Variants in GABPA observed in about 807,000 individuals in gnomAD.
GABPA encodes GA-binding protein alpha chain.
A neutral mutation model predicts 59.4 loss-of-function variants in GABPA; 4 were observed. The ratio of observed to expected loss-of-function variants is 0.07; its 90% CI spans 0.03 to 0.15. The LOEUF (loss-of-function observed/expected upper bound fraction) is 0.15. GABPA is among the 10% of genes least tolerant of loss of function. GABPA has a pLI of 1.00. For missense variants in GABPA, 251 were observed against 543.8 expected (o/e 0.46, Z 5.36); for synonymous variants, 164 against 183.1 (o/e 0.90, Z 0.84).
intron 6 of GABPA, among the ~76,000 whole-genome samples, chr21:25,759,395 T>C (rs1008870448): frequency 6.6e-6 from 1 of 152,156 alleles, no homozygotes; most frequent in African/African-American, 2.4e-5. Flanking sequence ...AATTCAATGC[T>C]TGCAGTTTTC....
chr21:25,741,846 A>G (rs187093147), intron 2 of GABPA, among the ~76,000 whole-genome samples, 171 bp downstream of exon 2: 4 of 152,210 alleles, frequency 2.6e-5, no homozygotes, highest in African/African-American at 9.6e-5. Flanking sequence ...GCTGAGAGGG[A>G]AAGACAGTTT....
At chr21:25,751,091 G>A (rs2123525040) in intron 4 of GABPA, among the ~76,000 whole-genome samples, 1 of 152,224 alleles carries the variant, frequency 6.6e-6, no homozygotes, top group Admixed American at 6.5e-5. Flanking sequence ...TAATATGACA[G>A]TGTCTTAGAG....
At chr21:25,754,784 G>C (rs572011991) in intron 5 of GABPA, among the ~76,000 whole-genome samples, 29 of 152,266 alleles carry the variant, frequency 1.9e-4, no homozygotes, top group African/African-American at 6.7e-4. Context: ...AGGCACAGTG[G>C]CTCATGCCTG....
intron 3 of GABPA, among the ~76,000 whole-genome samples, chr21:25,746,206 G>T (rs571310400): frequency 6.6e-6 from 1 of 151,940 alleles, no homozygotes; most frequent in Non-Finnish European, 1.5e-5. Context: ...GTAGACACGG[G>T]GTTTTGCTGT....
In GABPA at chr21:25,751,287, T is replaced by C. The variant is rs1029646042; in HGVS notation, c.308-702T>C. On this transcript the variant is annotated intron_variant, in intron 4 of 9. Coordinates refer to ENST00000400075, the MANE Select transcript of GABPA (RefSeq NM_002040.4). ...ATAATTTAATAGTTTAAATGTGTTT[T>C]AAACTATCCAGAATTAAATCAAAAT... 2.0e-5 allele frequency among the ~76,000 whole-genome samples: 3 copies of C among 151,626 alleles called. 1 individual carries two copies. In the South Asian group the frequency reaches 6.2e-4, roughly 31 times the overall value.
At position 25,741,593 on chromosome 21, in the gene GABPA, C is replaced by G. The variant is rs201162106; in HGVS notation, c.-6C>G. The G allele has an allele frequency of 6.9e-6, 11 of 1,602,558 alleles. No individual in the cohort carries two copies. The African/African-American group carries it at 1.3e-4, about 20-fold the overall frequency. The stretch of plus-strand genomic sequence containing the variant: ...TGCAGGACTGATCCTTTGAAATACT[C>G]CAGCCATGACTAAAAGAGAAGCAGA... On this transcript the variant is annotated 5_prime_UTR_variant, in exon 2 of 10. Coordinates refer to ENST00000400075, the MANE Select transcript of GABPA (RefSeq NM_002040.4).
intron 9 of GABPA, among the ~76,000 whole-genome samples, chr21:25,768,204 G>A (rs2035937131): frequency 6.6e-6 from 1 of 151,814 alleles, no homozygotes; most frequent in South Asian, 2.1e-4. Context: ...AATGATTGCC[G>A]GAACTCTGCT....
At chr21:25,736,119 G>A (rs1002974732) in intron 1 of GABPA, among the ~76,000 whole-genome samples, 26 of 152,200 alleles carry the variant, frequency 1.7e-4, no homozygotes, top group Non-Finnish European at 2.8e-4. Context: ...AGTAAACCAA[G>A]GAGATAACAA....
intron 1 of GABPA, among the ~76,000 whole-genome samples, chr21:25,738,843 T>A (rs2035145345): frequency 6.6e-6 from 1 of 152,122 alleles, no homozygotes; most frequent in African/African-American, 2.4e-5. Context: ...TCAGGATGAA[T>A]TCCACAATTT....
chr21:25,737,470 A>AT (rs928691408), intron 1 of GABPA, among the ~76,000 whole-genome samples: 15 of 150,586 alleles, frequency 1.0e-4, no homozygotes, highest in South Asian at 4.2e-4. Flanking sequence ...AAACTGAGTA[A>AT]TTTTTTTTTT....
intron 6 of GABPA, among the ~76,000 whole-genome samples, chr21:25,760,820 GCCTGTA>G (rs1304902243): frequency 5.3e-5 from 8 of 152,154 alleles, no homozygotes; most frequent in Admixed American, 5.2e-4. Context: ...TATTCAGAGT[GCCTGTA>G]CTTTGAAGAG....
At chr21:25,740,856 G>T (rs1448463266) in intron 1 of GABPA, among the ~76,000 whole-genome samples, 1 of 152,166 alleles carries the variant, frequency 6.6e-6, no homozygotes, top group Non-Finnish European at 1.5e-5. Context: ...CATTGTATCA[G>T]TGTGATACTT....
At chr21:25,753,770 G>A (rs1023833250) in intron 5 of GABPA, among the ~76,000 whole-genome samples, 6 of 152,156 alleles carry the variant, frequency 3.9e-5, no homozygotes, top group Admixed American at 2.6e-4. Flanking sequence ...AAGAGTTGGC[G>A]GGGACCTGAG....
intron 1 of GABPA, among the ~76,000 whole-genome samples, chr21:25,736,534 A>G (rs562878474): frequency 5.3e-5 from 8 of 152,342 alleles, no homozygotes; most frequent in Non-Finnish European, 1.0e-4. Context: ...AGTGGACTTC[A>G]AGTCAATTTT....
chr21:25,771,682 A>T lies in GABPA; in HGVS notation c.*2450A>T, dbSNP rs2036013714. ...TAAATGAATTTTTCATAGAATTTACAGTATATTCAAAGGAAGAAAGATAAA... is the reference window on the plus strand; with the variant it reads ...TAAATGAATTTTTCATAGAATTTACTGTATATTCAAAGGAAGAAAGATAAA... On this transcript the variant is annotated 3_prime_UTR_variant, in exon 10 of 10. Transcript: ENST00000400075. 1 of 152,042 alleles carries T rather than the reference A, an allele frequency of 6.6e-6. No individual in the cohort carries two copies. Among genetic ancestry groups the T allele is most frequent in the Non-Finnish European group, 1.5e-5 (1 of 67,880 alleles). 9.4% of individuals were successfully genotyped at this position (152,042 alleles called of 1,614,324 possible).
chr21:25,759,750 G>T (rs1285024342), intron 6 of GABPA, among the ~76,000 whole-genome samples: 1 of 151,986 alleles, frequency 6.6e-6, no homozygotes, highest in East Asian at 1.9e-4. Flanking sequence ...CCCTGCAGAG[G>T]TTTTGAAATG....
chr21:25,758,345 A>G, intron 6 of GABPA, 141 bp downstream of exon 6: 1 of 590,972 alleles, frequency 1.7e-6, no homozygotes, highest in Non-Finnish European at 2.8e-6. Flanking sequence ...GTATAATGCT[A>G]TGCTGAAAGC....
chr21:25,741,379 C>T (rs528697795), intron 1 of GABPA, among the ~76,000 whole-genome samples, 194 bp from the exon 2 acceptor site: 1 of 152,108 alleles, frequency 6.6e-6, no homozygotes, highest in East Asian at 1.9e-4. Flanking sequence ...AGCAATCTGC[C>T]TGCCTTGGCC....
intron 7 of GABPA, chr21:25,762,943 AG>A: frequency 2.8e-6 from 1 of 353,278 alleles, no homozygotes. Context: ...AGAGTCTACC[AG>A]GGCAAACCCT....
Sources: allele counts gnomAD v4.1 joint callset (sites outside exome capture counted in the v4.1 genomes callset), GRCh38; gene constraint gnomAD v4.1.1; transcripts MANE v1.5; gene names NCBI Gene and HGNC (gene_info 2026-07-23, HGNC 2026-07-21).